SPATA13: variants seen among roughly 807,000 people sequenced by gnomAD.
SPATA13 encodes the protein spermatogenesis associated 13, also known as spermatogenesis-associated protein 13.
SPATA13 carries 50 observed loss-of-function variants against 104.0 expected under a neutral mutation model. That is an observed-to-expected ratio of 0.48 (90% CI 0.38 to 0.61). The LOEUF is 0.61. Ranked by LOEUF, SPATA13 falls within the 20% of genes least tolerant of loss-of-function variation. The probability of loss-of-function intolerance (pLI) is 0.00; values close to 1 mark genes in which losing one functional copy is unlikely to be tolerated. For missense variants in SPATA13, 1,524 were observed against 1,690.6 expected (o/e 0.90, Z 1.73); for synonymous variants, 606 against 667.5 (o/e 0.91, Z 1.42).
intron 3 of SPATA13, among the ~76,000 whole-genome samples, chr13:24,061,089 G>A (rs9511027): frequency 0.48 from 73,125 of 151,928 alleles, 18,876 homozygotes; most frequent in East Asian, 0.66. Flanking sequence ...TTTCAAAAGA[G>A]GACATACATG....
intron 3 of SPATA13, among the ~76,000 whole-genome samples, chr13:24,055,393 A>T (rs1449201590): frequency 1.3e-5 from 2 of 152,182 alleles, no homozygotes; most frequent in Non-Finnish European, 2.9e-5. Flanking sequence ...GTGTTTTCTT[A>T]GGCAAATATC....
intron 2 of SPATA13, among the ~76,000 whole-genome samples, chr13:24,227,817 A>G (rs1458282250): frequency 1.3e-5 from 2 of 152,094 alleles, no homozygotes; most frequent in African/African-American, 2.4e-5. Flanking sequence ...TGATTCGCCT[A>G]CCTCAGCCTT....
At position 24,223,410 on chromosome 13, in the gene SPATA13, G is replaced by A. The variant is rs1488588841; in HGVS notation, c.481G>A (p.Gly161Ser). The change falls in exon 2 of 13, where the codon GGC becomes AGC. Residue 161 changes from glycine (G) to serine (S), a missense_variant. Around this residue, in one of 2 missense-constraint regions of SPATA13, gnomAD observed 1,089 missense variants for 1,135.9 expected, o/e 0.96. Transcript: ENST00000382108. ...GAVPGAQASR[G>S]SPLAPGPACG... ...TGTCCCAGGAGCCCAGGCAAGCAGG[G>A]GCTCCCCCTTAGCACCGGGACCAGC... 1 of 1,551,134 alleles carries A rather than the reference G, an allele frequency of 6.4e-7. No individual in the cohort carries two copies. Among genetic ancestry groups the A allele is most frequent in the African/African-American group, 1.4e-5 (1 of 73,060 alleles).
chr13:24,224,337 A>C lies in SPATA13; in HGVS notation c.1408A>C (p.Lys470Gln). The change falls in exon 2 of 13, where the codon AAG becomes CAG. Residue 470 changes from lysine to glutamine, a missense_variant. By Grantham distance (53) the Lys-to-Gln change is moderately conservative. Around this residue, in one of 2 missense-constraint regions of SPATA13, gnomAD observed 1,089 missense variants for 1,135.9 expected, o/e 0.96. Transcript: ENST00000382108. ...PPTPLRPTTP[K>Q]PQSPQSPQSP... ...CACCCCTCTAAGGCCCACCACACCC[A>C]AGCCCCAGAGCCCTCAGAGCCCCCA... 1 of 1,551,598 alleles carries C rather than the reference A, an allele frequency of 6.4e-7. No homozygotes were observed.
intron 1 of SPATA13, among the ~76,000 whole-genome samples, chr13:24,218,025 TG>T (rs1276897035): frequency 6.6e-6 from 1 of 152,196 alleles, no homozygotes; most frequent in African/African-American, 2.4e-5. Flanking sequence ...CGCAAAGGCA[TG>T]GTGGTGTGAG....
At chr13:23,984,864 G>T (rs941441295) in intron 2 of SPATA13, among the ~76,000 whole-genome samples, 10 of 152,206 alleles carry the variant, frequency 6.6e-5, no homozygotes, top group Non-Finnish European at 1.5e-5. Flanking sequence ...TGAAAAGTCA[G>T]CTTTGAACAT....
At chr13:24,132,084 G>A (rs1190773912) in intron 3 of SPATA13, among the ~76,000 whole-genome samples, 1 of 152,212 alleles carries the variant, frequency 6.6e-6, no homozygotes, top group Non-Finnish European at 1.5e-5. Flanking sequence ...TAGCTGACAT[G>A]TGTTACTTGG....
At chr13:24,055,878 A>G (rs1378648916) in intron 3 of SPATA13, among the ~76,000 whole-genome samples, 4 of 152,252 alleles carry the variant, frequency 2.6e-5, no homozygotes, top group Non-Finnish European at 5.9e-5. Context: ...CGGGTCCAGA[A>G]TAAAGTGACC....
At chr13:24,182,954 C>A (rs1177835165) in intron 1 of SPATA13, among the ~76,000 whole-genome samples, 1 of 152,100 alleles carries the variant, frequency 6.6e-6, no homozygotes, top group East Asian at 1.9e-4. Flanking sequence ...CCCAGGGTGG[C>A]TTAGTGCATT....
chr13:24,217,181 C>T (rs969152259), intron 1 of SPATA13, among the ~76,000 whole-genome samples: 4 of 152,222 alleles, frequency 2.6e-5, no homozygotes, highest in Admixed American at 2.6e-4. Flanking sequence ...TCACTTGAGT[C>T]TAAGAATTTG....
At chr13:24,092,644 A>T (rs904327018) in intron 3 of SPATA13, among the ~76,000 whole-genome samples, 2 of 152,196 alleles carry the variant, frequency 1.3e-5, no homozygotes, top group African/African-American at 4.8e-5. Context: ...ATACAAGAGA[A>T]TATTTTCTGC....
At chr13:24,028,355 G>A (rs1886805) in intron 3 of SPATA13, among the ~76,000 whole-genome samples, 118,605 of 152,160 alleles carry the variant, frequency 0.78, 46,856 homozygotes, top group Middle Eastern at 0.85. Context: ...TCATGTGCAG[G>A]TGTCTATATT....
chr13:24,239,939 C>T (rs1319812056), intron 2 of SPATA13, among the ~76,000 whole-genome samples: 7 of 151,650 alleles, frequency 4.6e-5, no homozygotes, highest in Admixed American at 1.3e-4. Flanking sequence ...AAGATGTGGT[C>T]ATTATGTGCA....
rs896445124 is a variant in SPATA13, at chr13:24,286,632, A to G, written c.2482-133A>G. On this transcript the variant is annotated intron_variant, in intron 6 of 12. Transcript: ENST00000382108. This position sits in a 1 kb window ranked among gnomAD's most constrained non-coding sequence, Gnocchi z 4.9. The stretch of plus-strand genomic sequence containing the variant: ...GCATAGCCGCAGCCCTGCTGAGGCC[A>G]TGAGACTCAGGCGAGGGCCAGGCTG... 4.4e-6 allele frequency: 4 copies of G among 903,886 alleles called. No homozygotes were observed. The African/African-American group carries it at 6.7e-5, about 15-fold the overall frequency. The allele number at this position is 903,886 out of a possible 1,614,324, so 56.0% of individuals were successfully genotyped here. A position where few individuals can be genotyped will look rare whatever the true frequency, so the allele number is the denominator to read the frequency against.
chr13:24,182,469 G>A (rs1165508761), intron 1 of SPATA13, among the ~76,000 whole-genome samples: 1 of 146,268 alleles, frequency 6.8e-6, no homozygotes, highest in African/African-American at 2.4e-5. Context: ...TGTGTCACAT[G>A]ATGAGAGAGG....
intron 4 of SPATA13, among the ~76,000 whole-genome samples, chr13:24,269,335 A>G (rs1874441546): frequency 6.6e-6 from 1 of 152,176 alleles, no homozygotes; most frequent in Non-Finnish European, 1.5e-5. Context: ...CATTTTACTA[A>G]TTGGCACTAT....
At chr13:24,027,824 G>A (rs1370202054) in intron 3 of SPATA13, among the ~76,000 whole-genome samples, 1 of 152,104 alleles carries the variant, frequency 6.6e-6, no homozygotes, top group Non-Finnish European at 1.5e-5. Flanking sequence ...AAGAACACGT[G>A]GTGTAGATTA....
intron 3 of SPATA13, among the ~76,000 whole-genome samples, chr13:24,032,789 T>A (rs772894880): frequency 1.3e-5 from 2 of 152,226 alleles, no homozygotes; most frequent in Non-Finnish European, 2.9e-5. Flanking sequence ...TGGGGTGGCC[T>A]TACCCTAGTG....
intron 11 of SPATA13, among the ~76,000 whole-genome samples, chr13:24,299,034 G>A (rs962823156): frequency 1.3e-5 from 2 of 152,102 alleles, no homozygotes; most frequent in Non-Finnish European, 1.5e-5. Flanking sequence ...GCAGACTCTG[G>A]GGCCCCATTG....
Sources: gnomAD v4.1 joint callset for allele counts (sites outside exome capture counted in the v4.1 genomes callset) on GRCh38, gnomAD v4.1.1 for gene constraint, gnomAD v4.1.1 regional missense constraint, Gnocchi (gnomAD v3.1) non-coding constraint, MANE v1.5 for transcripts, NCBI Gene and HGNC (gene_info 2026-07-23, HGNC 2026-07-21) for gene names.